GALNT13: variants seen among roughly 807,000 people sequenced by gnomAD.
The protein encoded by GALNT13 is UDP-GalNAc:polypeptide N-acetylgalactosaminyltransferase 13.
GALNT13 carries 28 observed loss-of-function variants against 64.2 expected under a neutral mutation model. That is an observed-to-expected ratio of 0.44 (90% CI 0.32 to 0.60). The LOEUF is 0.60. Among genes scored for constraint, GALNT13 ranks in the 20% least tolerant of loss-of-function variants. The pLI is 0.05. For synonymous variants in GALNT13, 214 were observed against 224.6 expected, an observed-to-expected ratio of 0.95 and a Z score of 0.42; for missense variants, 577 against 669.8, an observed-to-expected ratio of 0.86 and a Z score of 1.53.
At chr2:153,998,217 A>G (rs1164253842) in intron 3 of GALNT13, among the ~76,000 whole-genome samples, 1 of 152,152 alleles carries the variant, frequency 6.6e-6, no homozygotes, top group East Asian at 1.9e-4. Flanking sequence ...AGGAATCGCC[A>G]CACTGTCTTC....
At chr2:154,288,937 G>T (rs1692439428) in intron 8 of GALNT13, among the ~76,000 whole-genome samples, 1 of 152,208 alleles carries the variant, frequency 6.6e-6, no homozygotes, top group Non-Finnish European at 1.5e-5. Context: ...ACTGGACAAT[G>T]CCCAGGGGGG....
At chr2:153,830,871 T>C in the GALNT13 span, among the ~76,000 whole-genome samples, 1 of 152,194 alleles carries the variant, frequency 6.6e-6, no homozygotes, top group Non-Finnish European at 1.5e-5. Context: ...ACGTATTCTT[T>C]CCTCATGCTG....
chr2:153,599,000 T>G, the GALNT13 span, among the ~76,000 whole-genome samples: 2 of 152,078 alleles, frequency 1.3e-5, no homozygotes, highest in Non-Finnish European at 2.9e-5. Context: ...TAAACATGTC[T>G]TTTTGAATAG....
At chr2:153,874,482 T>C (rs1176967860) in intron 1 of GALNT13, among the ~76,000 whole-genome samples, 1 of 152,102 alleles carries the variant, frequency 6.6e-6, no homozygotes, top group Non-Finnish European at 1.5e-5. Context: ...AAAGGAATTA[T>C]AGGGTACTGC....
At chr2:153,148,716 T>A in the GALNT13 span, among the ~76,000 whole-genome samples, 1 of 151,792 alleles carries the variant, frequency 6.6e-6, no homozygotes, top group Non-Finnish European at 1.5e-5. Flanking sequence ...TTTCTGAAAA[T>A]GCAGTTAATC....
the GALNT13 span, among the ~76,000 whole-genome samples, chr2:153,689,497 GTGTT>G: frequency 3.3e-5 from 5 of 151,904 alleles, no homozygotes; most frequent in Admixed American, 6.6e-5. Context: ...CGTTTAATAA[GTGTT>G]TGTCTAATTC....
At chr2:153,512,590 A>G in the GALNT13 span, among the ~76,000 whole-genome samples, 1 of 152,128 alleles carries the variant, frequency 6.6e-6, no homozygotes, top group Non-Finnish European at 1.5e-5. Context: ...CTTTATCTAT[A>G]AAATTGGGAG....
the GALNT13 span, among the ~76,000 whole-genome samples, chr2:153,175,150 G>T: frequency 6.6e-6 from 1 of 152,232 alleles, no homozygotes. Context: ...CCTAAATTTA[G>T]CTATGTGTTC....
intron 8 of GALNT13, among the ~76,000 whole-genome samples, chr2:154,300,755 A>C (rs1205169843): frequency 6.6e-6 from 1 of 152,182 alleles, no homozygotes; most frequent in East Asian, 1.9e-4. Flanking sequence ...ATTTTCTAAG[A>C]ATTTATAGTT....
At chr2:153,997,254 C>T (rs1695581710) in intron 3 of GALNT13, among the ~76,000 whole-genome samples, 1 of 151,932 alleles carries the variant, frequency 6.6e-6, no homozygotes, top group Admixed American at 6.6e-5. Flanking sequence ...TATATATCAC[C>T]TTGGATAATA....
Position 154,453,941 on chromosome 2 carries a change from A to G in GALNT13, c.*3390A>G, listed in dbSNP as rs1330021132. 1 of 152,174 alleles carries G rather than the reference A, an allele frequency of 6.6e-6. No homozygotes were observed. The highest frequency in any genetic ancestry group is 1.5e-5 in the Non-Finnish European group (1 of 68,042). The allele number at this position is 152,174 out of a possible 1,614,324, so 9.4% of individuals were successfully genotyped here. On this transcript the variant is annotated 3_prime_UTR_variant, in exon 13 of 13. Coordinates refer to ENST00000392825, the MANE Select transcript of GALNT13 (RefSeq NM_052917.4). ...GGATAAAATATCCTGCCTTATGGAA[A>G]TGAAATATGAAATTTTATTAAAATG...
the GALNT13 span, among the ~76,000 whole-genome samples, chr2:153,147,432 A>T: frequency 6.6e-6 from 1 of 151,834 alleles, no homozygotes; most frequent in Non-Finnish European, 1.5e-5. Flanking sequence ...TCTTGTTTGG[A>T]TGAGTATAAG....
intron 4 of GALNT13, among the ~76,000 whole-genome samples, chr2:154,233,037 C>CAAAAA (rs375484057): frequency 3.6e-4 from 21 of 58,970 alleles, no homozygotes; most frequent in South Asian, 7.0e-4. Context: ...GACCCTGTCT[C>CAAAAA]AAAAAAAAAA....
chr2:153,655,368 T>C, the GALNT13 span, among the ~76,000 whole-genome samples: 10 of 152,176 alleles, frequency 6.6e-5, no homozygotes, highest in African/African-American at 1.9e-4. Flanking sequence ...GCATTTTCTC[T>C]GTACAAATTA....
intron 4 of GALNT13, among the ~76,000 whole-genome samples, chr2:154,149,352 C>T (rs1241071419): frequency 6.6e-6 from 1 of 152,158 alleles, no homozygotes; most frequent in East Asian, 1.9e-4. Context: ...AGTTTGAAGT[C>T]AGGTAGCGTG....
chr2:154,224,889 A>C (rs1688506516), intron 4 of GALNT13, among the ~76,000 whole-genome samples: 1 of 152,116 alleles, frequency 6.6e-6, no homozygotes, highest in Admixed American at 6.6e-5. Flanking sequence ...GATACATACA[A>C]CATTTTATGT....
chr2:153,320,742 A>G, the GALNT13 span, among the ~76,000 whole-genome samples: 1 of 152,218 alleles, frequency 6.6e-6, no homozygotes, highest in African/African-American at 2.4e-5. Context: ...CTGAATTACC[A>G]CTTCCCTCCC....
chr2:153,254,237 T>G, the GALNT13 span, among the ~76,000 whole-genome samples: 1 of 152,128 alleles, frequency 6.6e-6, no homozygotes, highest in African/African-American at 2.4e-5. Context: ...TTCTTCTAGA[T>G]TTTCTAGTTT....
intron 4 of GALNT13, among the ~76,000 whole-genome samples, chr2:154,179,970 C>T (rs1310826261): frequency 5.3e-5 from 8 of 152,120 alleles, no homozygotes; most frequent in Admixed American, 5.2e-4. Context: ...ACTTAGAGTG[C>T]ATTTTATTAT....
Sources: allele counts gnomAD v4.1 joint callset (sites outside exome capture counted in the v4.1 genomes callset), GRCh38; gene constraint gnomAD v4.1.1; transcripts MANE v1.5; gene names NCBI Gene and HGNC (gene_info 2026-07-23, HGNC 2026-07-21).